SLC24A2: variants seen among roughly 807,000 people sequenced by gnomAD.
SLC24A2 encodes the protein solute carrier family 24 member 2.
Under a neutral mutation model 62.0 loss-of-function variants are expected in SLC24A2, and 36 were observed. The observed-to-expected ratio is 0.58, with a 90% CI of 0.44 to 0.77. The LOEUF (loss-of-function observed/expected upper bound fraction) is 0.77, where lower values mean the gene tolerates loss of function less well. SLC24A2 is among the 30% of genes least tolerant of loss of function. The pLI, the probability that SLC24A2 is intolerant of heterozygous loss-of-function variation, is 0.00. For missense variants in SLC24A2, 846 were observed against 817.9 expected (o/e 1.03, Z -0.42); for synonymous variants, 358 against 294.0 (o/e 1.22, Z -2.23).
the SLC24A2 span, among the ~76,000 whole-genome samples, chr9:19,820,057 A>ATATG: frequency 2.8e-4 from 3 of 10,814 alleles, no homozygotes; most frequent in African/African-American, 4.6e-4. Context: ...ATATATATAC[A>ATATG]CATATATATA....
intron 4 of SLC24A2, among the ~76,000 whole-genome samples, chr9:19,600,719 T>C (rs1184195280): frequency 6.6e-6 from 1 of 152,198 alleles, no homozygotes; most frequent in Non-Finnish European, 1.5e-5. Context: ...TACTGATTTC[T>C]GTCTTGTGAG....
At chr9:19,567,544 C>CA (rs747824353) in intron 7 of SLC24A2, among the ~76,000 whole-genome samples, 2,431 of 38,310 alleles carry the variant, frequency 0.063, 146 homozygotes, top group African/African-American at 0.16. Flanking sequence ...GACTCCATCT[C>CA]AAAAAAAAAA....
chr9:19,889,461 G>A, the SLC24A2 span, among the ~76,000 whole-genome samples: 1 of 132,450 alleles, frequency 7.6e-6, no homozygotes, highest in African/African-American at 2.8e-5. Context: ...TTAATCCTTA[G>A]TAGTTCCAAA....
chr9:19,764,627 T>C (rs1822455367), intron 2 of SLC24A2, among the ~76,000 whole-genome samples: 3 of 152,204 alleles, frequency 2.0e-5, no homozygotes, highest in African/African-American at 4.8e-5. Context: ...TGAGTTTCTT[T>C]ATCCTGAGTT....
chr9:20,139,254 C>T, the SLC24A2 span, among the ~76,000 whole-genome samples: 1 of 152,186 alleles, frequency 6.6e-6, no homozygotes, highest in Non-Finnish European at 1.5e-5. Flanking sequence ...CCTCTGGAGG[C>T]CGACTGCCTG....
At chr9:19,871,127 T>C in the SLC24A2 span, among the ~76,000 whole-genome samples, 7 of 152,158 alleles carry the variant, frequency 4.6e-5, no homozygotes, top group Non-Finnish European at 8.8e-5. Context: ...TTTTGAATGA[T>C]AGTTTTGCTG....
At chr9:19,522,893 GTTAGA>G (rs1833266411) in intron 9 of SLC24A2, among the ~76,000 whole-genome samples, 1 of 152,184 alleles carries the variant, frequency 6.6e-6, no homozygotes, top group African/African-American at 2.4e-5. Context: ...TCAGTTTTTT[GTTAGA>G]TTTGGAGTGA....
At chr9:19,529,875 G>T (rs1231484196) in intron 8 of SLC24A2, among the ~76,000 whole-genome samples, 1 of 150,842 alleles carries the variant, frequency 6.6e-6, no homozygotes, top group East Asian at 2.0e-4. Context: ...TCAGCCTCCT[G>T]AGTAGCTGGA....
At chr9:19,527,611 C>A (rs766588603) in intron 9 of SLC24A2, among the ~76,000 whole-genome samples, 7 of 152,132 alleles carry the variant, frequency 4.6e-5, no homozygotes, top group Non-Finnish European at 8.8e-5. Flanking sequence ...AATACATCAT[C>A]ATTTATGTAA....
At chr9:19,570,265 C>T (rs1835799612) in intron 7 of SLC24A2, among the ~76,000 whole-genome samples, 1 of 152,224 alleles carries the variant, frequency 6.6e-6, no homozygotes, top group African/African-American at 2.4e-5. Context: ...AATCACTAAA[C>T]ATGACTTTCC....
chr9:19,645,615 C>T (rs537692732), intron 2 of SLC24A2, among the ~76,000 whole-genome samples: 18 of 152,118 alleles, frequency 1.2e-4, no homozygotes, highest in East Asian at 9.7e-4. Flanking sequence ...AGGTGAGTTC[C>T]GGTGACAGTT....
the SLC24A2 span, among the ~76,000 whole-genome samples, chr9:20,123,278 A>G: frequency 6.6e-6 from 1 of 152,064 alleles, no homozygotes; most frequent in African/African-American, 2.4e-5. Flanking sequence ...TGATATAATT[A>G]CCTCCCAAAG....
rs560735865 is a variant in SLC24A2, at chr9:19,631,846, G to C, written c.931-9547C>G. ...CCTGTGCCCAGACACTGCTGTACGG[G>C]TCCTTTAACCTGAGAGAGCCAGTCT... On this transcript the variant is annotated intron_variant, in intron 2 of 10. Transcript: ENST00000341998. Among the ~76,000 whole-genome samples the C allele has an allele frequency of 8.5e-5, 13 of 152,140 alleles. 1 individual carries two copies. The South Asian group carries it at 2.7e-3, about 32-fold the overall frequency.
intron 4 of SLC24A2, among the ~76,000 whole-genome samples, chr9:19,616,852 C>T (rs550750288): frequency 9.9e-5 from 15 of 151,978 alleles, no homozygotes; most frequent in Non-Finnish European, 1.9e-4. Flanking sequence ...GAAGTATTTA[C>T]ACAGAGTGCT....
At chr9:19,622,358 A>T in intron 2 of SLC24A2, 59 bp from the exon 3 acceptor site, 1 of 1,497,722 alleles carries the variant, frequency 6.7e-7, no homozygotes, top group South Asian at 1.1e-5. Flanking sequence ...GAAGAATCAC[A>T]TATGGCATTT....
chr9:19,567,186 AG>A (rs1366186712), intron 7 of SLC24A2, among the ~76,000 whole-genome samples: 4 of 148,620 alleles, frequency 2.7e-5, no homozygotes, highest in African/African-American at 5.1e-5. Context: ...AAAAAAAAAA[AG>A]AAAATCTGCT....
At chr9:20,132,875 G>A in the SLC24A2 span, among the ~76,000 whole-genome samples, 1 of 152,026 alleles carries the variant, frequency 6.6e-6, no homozygotes, top group African/African-American at 2.4e-5. Context: ...AACTACAAAT[G>A]TAGCAGGTTA....
At chr9:20,232,938 T>C in the SLC24A2 span, among the ~76,000 whole-genome samples, 4 of 152,198 alleles carry the variant, frequency 2.6e-5, no homozygotes, top group African/African-American at 4.8e-5. Context: ...TTTGTTCTCG[T>C]TGGTTTCAAA....
chr9:20,100,021 CT>C, the SLC24A2 span, among the ~76,000 whole-genome samples: 38 of 151,022 alleles, frequency 2.5e-4, no homozygotes, highest in Admixed American at 4.0e-4. Flanking sequence ...TCCTATTCAT[CT>C]TTTTTTTTCT....
Sources: allele counts gnomAD v4.1 joint callset (sites outside exome capture counted in the v4.1 genomes callset), GRCh38; gene constraint gnomAD v4.1.1; transcripts MANE v1.5; gene names NCBI Gene and HGNC (gene_info 2026-07-23, HGNC 2026-07-21).